BUD23: variants seen among roughly 807,000 people sequenced by gnomAD.
BUD23 encodes BUD23 rRNA methyltransferase and ribosome maturation factor.
In BUD23, 34 loss-of-function variants were observed where a neutral mutation model predicts 47.0. The observed-to-expected ratio is 0.72, with a 90% confidence interval of 0.55 to 0.96. The LOEUF is 0.96. Ranked by LOEUF, BUD23 falls within the 40% of genes least tolerant of loss-of-function variation. BUD23 has a pLI of 0.00. For missense variants in BUD23, 343 were observed against 361.2 expected, an observed-to-expected ratio of 0.95 and a Z score of 0.41; for synonymous variants, 124 against 132.0, an observed-to-expected ratio of 0.94 and a Z score of 0.41.
chr7:73,685,175 G>A (rs1554612766), intron 2 of BUD23, among the ~76,000 whole-genome samples: 1 of 152,090 alleles, frequency 6.6e-6, no homozygotes, highest in Admixed American at 6.5e-5. Context: ...GGGCCTACGG[G>A]AGGCTGAGGC....
At position 73,698,136 on chromosome 7, in the gene BUD23, G is replaced by GAAAAAAAAAA. The variant is rs373910695; in HGVS notation, c.*250_*251insAAAAAAAAAA. The GAAAAAAAAAA allele has an allele frequency of 9.1e-6, 1 of 109,308 alleles. No homozygotes were observed. The highest frequency in any genetic ancestry group is 1.9e-5 in the Non-Finnish European group (1 of 52,202). 6.8% of individuals were successfully genotyped at this position (109,308 alleles called of 1,614,324 possible). A position where few individuals can be genotyped will look rare whatever the true frequency, so the allele number is the denominator to read the frequency against. On this transcript the variant is annotated 3_prime_UTR_variant, in exon 12 of 12. Transcript: ENST00000265758. ...CATAATGAAACTTCCTTTCCAGGGA[G>GAAAAAAAAAA]GAAAAAAAAAAAAAAAAAAAGCTCT...
rs781864139 is a variant in BUD23, at chr7:73,683,614, T to G, written c.-12T>G. 2.5e-6 allele frequency: 4 copies of G among 1,606,072 alleles called. No homozygotes were observed. The highest frequency in any genetic ancestry group is 3.4e-6 in the Non-Finnish European group (4 of 1,176,968). On this transcript the variant is annotated 5_prime_UTR_variant, in exon 1 of 12. Coordinates refer to ENST00000265758, the MANE Select transcript of BUD23 (RefSeq NM_017528.5). ...CAGGCGCCAGTCGCAGGTGTGCTGC[T>G]GAGGCGTGAGAATGGCGTCCCGCGG... is the stretch of plus-strand genomic sequence containing the variant.
chr7:73,697,382 C>T (rs536486782), intron 10 of BUD23: 1 of 1,510,642 alleles, frequency 6.6e-7, no homozygotes, highest in East Asian at 2.5e-5. Flanking sequence ...CAGCTCTCTC[C>T]TCCTCTGCCC....
At position 73,687,063 on chromosome 7, in the gene BUD23, A is replaced by AT. The variant is rs1554613173; in HGVS notation, c.332dup (p.Lys112GlnfsTer6). 1.2e-6 allele frequency: 2 copies of AT among 1,613,972 alleles called. No individual in the cohort carries two copies. The highest frequency in any genetic ancestry group is 2.2e-5 in the South Asian group (2 of 91,060). On this transcript the variant is annotated frameshift_variant, in exon 5 of 12. Transcript: ENST00000265758. LOFTEE classifies it high-confidence loss of function. ...TGGGGGATATGGGCCAGGGCATCCC[A>AT]TTCAAGCCAGGCACATTTGATGGTT...
chr7:73,687,790 T>A (rs1292100380), intron 5 of BUD23, among the ~76,000 whole-genome samples: 1 of 152,142 alleles, frequency 6.6e-6, no homozygotes, highest in Non-Finnish European at 1.5e-5. Context: ...ATTTTCAGAT[T>A]TACAAGGTTA....
chr7:73,697,411 C>G, intron 10 of BUD23, 194 bp from the exon 11 acceptor site: 1 of 1,534,282 alleles, frequency 6.5e-7, no homozygotes, highest in East Asian at 2.4e-5. Flanking sequence ...ACCTCTGTGG[C>G]CCGGATGGAT....
intron 5 of BUD23, among the ~76,000 whole-genome samples, chr7:73,687,962 C>A (rs1187651227): frequency 6.7e-6 from 1 of 150,288 alleles, no homozygotes; most frequent in Non-Finnish European, 1.5e-5. Flanking sequence ...GTGGCGGGAT[C>A]TCGGCTCACT....
In BUD23 at chr7:73,686,885, A is replaced by T; in HGVS notation, c.250A>T (p.Ser84Cys). The T allele has an allele frequency of 1.2e-6, 2 of 1,614,254 alleles. No homozygotes were observed. Among genetic ancestry groups the T allele is most frequent in the Non-Finnish European group, 8.5e-7 (1 of 1,180,046 alleles). ...GCACTATTGGGTGGGCCTGGATATC[A>T]GCCCTGCCATGCTGGGTAAGTATGT... is the stretch of plus-strand genomic sequence containing the variant. ...EGHYWVGLDI[S>C]PAMLDEAVDR... Residue 84 changes from serine to cysteine, a missense_variant, in exon 4 of 12, where the codon AGC becomes TGC. Physicochemically the swap from Ser to Cys is moderately radical, Grantham distance 112. Transcript: ENST00000265758.
At chr7:73,692,852 A>G (rs1798246595) in intron 7 of BUD23, 1 of 573,298 alleles carries the variant, frequency 1.7e-6, no homozygotes, top group Non-Finnish European at 3.1e-6. Context: ...TTCTCTTGGC[A>G]GATGACATGG....
intron 6 of BUD23, among the ~76,000 whole-genome samples, chr7:73,691,868 G>A (rs1798207374): frequency 6.6e-6 from 1 of 152,134 alleles, no homozygotes; most frequent in Non-Finnish European, 1.5e-5. Flanking sequence ...GGCTCCCAAA[G>A]TGATGGGATT....
rs1554614516 is a variant in BUD23, at chr7:73,694,037, T to A, written c.688T>A (p.Phe230Ile). The part of the protein sequence containing the change: ...QDEVEPRESV[F>I]TNERFPLRMS... Reference sequence around the variant, plus strand: ...TGAAGTTGAACCCAGGGAGTCTGTGTTCACCAATGAGAGGTAAAGCAACTG... The same window carrying A: ...TGAAGTTGAACCCAGGGAGTCTGTGATCACCAATGAGAGGTAAAGCAACTG... Residue 230 changes from phenylalanine to isoleucine, a missense_variant, in exon 10 of 12, where the codon TTC (phenylalanine) becomes ATC (isoleucine). Coordinates refer to ENST00000265758, the MANE Select transcript of BUD23 (RefSeq NM_017528.5). 1 of 1,610,162 alleles carries A rather than the reference T, an allele frequency of 6.2e-7. No homozygotes were observed. Among genetic ancestry groups the A allele is most frequent in the South Asian group, 1.1e-5 (1 of 90,830 alleles).
chr7:73,686,576 TGG>T, intron 2 of BUD23, 58 bp from the exon 3 acceptor site: 1 of 1,458,588 alleles, frequency 6.9e-7, no homozygotes, highest in Non-Finnish European at 9.4e-7. Context: ...TTTTTTGGTC[TGG>T]GGGAAGTATT....
Position 73,692,580 on chromosome 7 carries a change from T to C in BUD23, c.460-16T>C, listed in dbSNP as rs782815521. The C allele has an allele frequency of 1.9e-6, 3 of 1,613,374 alleles. No homozygotes were observed. Among genetic ancestry groups the C allele is most frequent in the Non-Finnish European group, 8.5e-7 (1 of 1,179,358 alleles). On this transcript the variant is annotated splice_polypyrimidine_tract_variant and intron_variant, in intron 6 of 11. Coordinates refer to ENST00000265758, the MANE Select transcript of BUD23 (RefSeq NM_017528.5). ...TGCAGTCATTTGTAAGACAGTGATGTTCCTGTTTCTTTCAGGTCCGGGGAT... is the reference window on the plus strand; with the variant it reads ...TGCAGTCATTTGTAAGACAGTGATGCTCCTGTTTCTTTCAGGTCCGGGGAT...
At position 73,693,630 on chromosome 7, in the gene BUD23, C is replaced by T. The variant is rs1798280241; in HGVS notation, c.603C>T (p.Tyr201=). Residue 201 remains tyrosine, a synonymous_variant, in exon 9 of 12, where the codon TAC becomes TAT. Transcript: ENST00000265758. The part of the protein sequence containing the change: ...YPNSAKAKKF[Y]LCLFSGPSTF... Reference sequence around the variant, plus strand: ...TTGCACTTTCTCCTTTCAGATTCTACCTCTGCTTGTTTTCTGGGCCTTCGA... The same window carrying T: ...TTGCACTTTCTCCTTTCAGATTCTATCTCTGCTTGTTTTCTGGGCCTTCGA... The T allele has an allele frequency of 6.2e-7, 1 of 1,614,202 alleles. No homozygotes were observed. Among genetic ancestry groups the T allele is most frequent in the Non-Finnish European group, 8.5e-7 (1 of 1,180,046 alleles).
rs1798290224 is a variant in BUD23, at chr7:73,693,850, C to T, written c.643-142C>T. On this transcript the variant is annotated intron_variant, in intron 9 of 11. Coordinates refer to ENST00000265758, the MANE Select transcript of BUD23 (RefSeq NM_017528.5). ...GCAGAGACCTCTGCTCTGCAGGTCC[C>T]AGAAAGGCGTGTCAGTTCCTTCTCG... The T allele has an allele frequency of 1.1e-5, 15 of 1,330,814 alleles. 1 individual carries two copies. The highest frequency in any genetic ancestry group is 1.6e-5 in the Non-Finnish European group (15 of 932,462). 82.4% of individuals were successfully genotyped at this position (1,330,814 alleles called of 1,614,324 possible).
At chr7:73,684,600 C>T (rs1235247657) in intron 2 of BUD23, among the ~76,000 whole-genome samples, 1 of 73,258 alleles carries the variant, frequency 1.4e-5, no homozygotes, top group African/African-American at 5.1e-5. Flanking sequence ...CACCTCGAGT[C>T]GTTAAAAAAA....
chr7:73,697,532 A>T, intron 10 of BUD23, 73 bp from the exon 11 acceptor site: 1 of 1,609,928 alleles, frequency 6.2e-7, no homozygotes, highest in Non-Finnish European at 8.5e-7. Context: ...CTTGCCATGG[A>T]TTCACATGGG....
intron 10 of BUD23, chr7:73,695,139 A>G (rs181518908): frequency 2.0e-5 from 3 of 152,400 alleles, no homozygotes; most frequent in African/African-American, 7.2e-5. Context: ...TTTGGTAGAG[A>G]TGAGGTCTTG....
chr7:73,693,403 C>A lies in BUD23; in HGVS notation c.585C>A (p.Ala195=). ...GGMVVDYPNS[A]KAKKFYLCLF... ...TGGTGGTAGACTACCCTAACAGTGC[C>A]AAAGCAAAGAAGTGAGCGCTGGGGG... Residue 195 remains alanine, a synonymous_variant, in exon 8 of 12, where the codon GCC becomes GCA. Coordinates refer to ENST00000265758, the MANE Select transcript of BUD23 (RefSeq NM_017528.5). 1.2e-6 allele frequency: 2 copies of A among 1,614,124 alleles called. No individual in the cohort carries two copies. Among genetic ancestry groups the A allele is most frequent in the South Asian group, 2.2e-5 (2 of 91,076 alleles).
Sources: allele counts gnomAD v4.1 joint callset (sites outside exome capture counted in the v4.1 genomes callset), GRCh38; gene constraint gnomAD v4.1.1; transcripts MANE v1.5; gene names NCBI Gene and HGNC (gene_info 2026-07-23, HGNC 2026-07-21).